ABCB5: variants seen among roughly 807,000 people sequenced by gnomAD.
ABCB5 encodes the protein ATP-binding cassette sub-family B member 5.
In ABCB5, 155 loss-of-function variants were observed where a neutral mutation model predicts 144.2. The observed-to-expected ratio is 1.08, with a 90% CI of 0.94 to 1.23. The LOEUF (loss-of-function observed/expected upper bound fraction) is 1.23, where lower values mean the gene tolerates loss of function less well. ABCB5 is among the 50% of genes most tolerant of loss of function. The pLI is 0.00. For missense variants in ABCB5, 1,830 were observed against 1,520.8 expected (o/e 1.20, Z -3.38); for synonymous variants, 610 against 528.6 (o/e 1.15, Z -2.11).
chr7:20,641,055 GCCTAGACCC>G (rs1253363297), intron 5 of ABCB5, among the ~76,000 whole-genome samples: 1 of 151,988 alleles, frequency 6.6e-6, no homozygotes, highest in Non-Finnish European at 1.5e-5. Context: ...CACATCCCCA[GCCTAGACCC>G]CCTCTCTCGT....
At chr7:20,691,515 T>G (rs1362900758) in intron 16 of ABCB5, among the ~76,000 whole-genome samples, 3 of 151,934 alleles carry the variant, frequency 2.0e-5, no homozygotes, top group African/African-American at 7.2e-5. Context: ...GAGCAATTCT[T>G]AGAAGTCACA....
intron 13 of ABCB5, among the ~76,000 whole-genome samples, chr7:20,656,215 G>C (rs965344719): frequency 6.6e-6 from 1 of 152,114 alleles, no homozygotes; most frequent in Non-Finnish European, 1.5e-5. Context: ...TTGTAACTTT[G>C]AGAGAGGCAA....
At chr7:20,705,118 G>A (rs1265372574) in intron 20 of ABCB5, among the ~76,000 whole-genome samples, 2 of 152,304 alleles carry the variant, frequency 1.3e-5, no homozygotes, top group East Asian at 1.9e-4. Flanking sequence ...GAAAAGTAAC[G>A]AAATGAAAAC....
chr7:20,704,675 T>C (rs1562570231), intron 19 of ABCB5, 49 bp from the exon 20 acceptor site: 2 of 1,492,006 alleles, frequency 1.3e-6, no homozygotes, highest in Non-Finnish European at 1.9e-6. Context: ...ACAAGTCAGA[T>C]AAAAAAAATG....
chr7:20,668,613 C>G (rs1785317200), intron 14 of ABCB5, among the ~76,000 whole-genome samples: 1 of 148,894 alleles, frequency 6.7e-6, no homozygotes, highest in Non-Finnish European at 1.5e-5. Context: ...CAGCCCCCCG[C>G]CCGGCCAGCC....
intron 13 of ABCB5, among the ~76,000 whole-genome samples, chr7:20,653,224 G>A (rs1784661551): frequency 6.6e-6 from 1 of 152,106 alleles, no homozygotes; most frequent in Admixed American, 6.6e-5. Flanking sequence ...ACACAAAGAT[G>A]TCCCTTGCTA....
intron 4 of ABCB5, among the ~76,000 whole-genome samples, chr7:20,629,853 T>G (rs571714221): frequency 1.7e-4 from 26 of 152,266 alleles, no homozygotes; most frequent in African/African-American, 5.3e-4. Flanking sequence ...CTTAGGTTTT[T>G]GGGGGTTTTT....
intron 16 of ABCB5, among the ~76,000 whole-genome samples, chr7:20,692,323 T>C (rs1488586383): frequency 6.6e-6 from 1 of 151,836 alleles, no homozygotes; most frequent in Non-Finnish European, 1.5e-5. Context: ...AAGAAGATAA[T>C]GGAGCAATAT....
intron 20 of ABCB5, among the ~76,000 whole-genome samples, chr7:20,711,441 A>G (rs1300858087): frequency 7.0e-6 from 1 of 142,972 alleles, no homozygotes; most frequent in East Asian, 2.2e-4. Flanking sequence ...TGAGGTTGAC[A>G]GTTTTTTCTT....
chr7:20,753,365 C>A lies in ABCB5; in HGVS notation c.3435C>A (p.Tyr1145Ter), dbSNP rs1375473920. The A allele has an allele frequency of 6.2e-7, 1 of 1,611,336 alleles. No individual in the cohort carries two copies. Among genetic ancestry groups the A allele is most frequent in the East Asian group, 2.2e-5 (1 of 44,788 alleles). The change falls in exon 27 of 28, where the codon TAC becomes TAA. Residue 1145 changes from tyrosine to a stop codon, truncating the protein, a stop_gained. Coordinates refer to ENST00000404938, the MANE Select transcript of ABCB5 (RefSeq NM_001163941.2). LOFTEE classifies it high-confidence loss of function. ...ATTGCATGCTCCTGTGATAGAAATA[C>A]AACACACAAGTTGGACTGAAAGGAG... ...HSFIEGLPEKYNTQVGLKGAQ... is the reference protein window; with the variant it reads ...HSFIEGLPEK
chr7:20,682,538 A>T (rs956867319), intron 15 of ABCB5, among the ~76,000 whole-genome samples: 1 of 152,168 alleles, frequency 6.6e-6, no homozygotes, highest in East Asian at 1.9e-4. Context: ...CGACTGAAAC[A>T]AAAAGGAGGT....
At chr7:20,672,856 C>G (rs748942384) in intron 14 of ABCB5, among the ~76,000 whole-genome samples, 82 of 152,196 alleles carry the variant, frequency 5.4e-4, no homozygotes, top group African/African-American at 1.9e-3. Context: ...GAGTTGTTTT[C>G]CAGACTGTTG....
intron 23 of ABCB5, among the ~76,000 whole-genome samples, chr7:20,735,644 A>T (rs1782358210): frequency 6.6e-6 from 1 of 152,226 alleles, no homozygotes; most frequent in Admixed American, 6.5e-5. Context: ...AAAGAAGAGA[A>T]ATCAAAGGAC....
rs893247576 is a variant in ABCB5, at chr7:20,720,869, G to A, written c.2422-2147G>A. 4.2e-4 allele frequency among the ~76,000 whole-genome samples: 63 copies of A among 149,966 alleles called. 1 individual carries two copies. The highest frequency in any genetic ancestry group is 3.8e-3 in the Admixed American group (57 of 14,992). ...TGAGGCAGGAGAATGGCGTGAACCC[G>A]GGAGGCGGAGCTTGCAGTGAGTCGA... On this transcript the variant is annotated intron_variant, in intron 20 of 27. Coordinates refer to ENST00000404938, the MANE Select transcript of ABCB5 (RefSeq NM_001163941.2).
chr7:20,745,912 GA>G lies in ABCB5; in HGVS notation c.3429+476del, dbSNP rs141836410. 1.5e-3 allele frequency among the ~76,000 whole-genome samples: 231 copies of G among 152,352 alleles called. 1 individual carries two copies. The highest frequency in any genetic ancestry group is 5.4e-3 in the African/African-American group (224 of 41,596). On this transcript the variant is annotated intron_variant, in intron 26 of 27. Transcript: ENST00000404938. ...ACACACCCCATGGGGAGGGGCTGCT[GA>G]AGCCTCTGTAATCTGGCCCTGCTGT...
At position 20,727,035 on chromosome 7, in the gene ABCB5, A is replaced by T; in HGVS notation, c.2626-5A>T. On this transcript the variant is annotated splice_region_variant and splice_polypyrimidine_tract_variant and intron_variant, in intron 21 of 27. Coordinates refer to ENST00000404938, the MANE Select transcript of ABCB5 (RefSeq NM_001163941.2). ...TTTCTATATTGTATTGTCCTGTTTTATAAGATAGCAACTGAAGCTTTGGAG... is the reference window on the plus strand; with the variant it reads ...TTTCTATATTGTATTGTCCTGTTTTTTAAGATAGCAACTGAAGCTTTGGAG... 1 of 1,601,476 alleles carries T rather than the reference A, an allele frequency of 6.2e-7. No individual in the cohort carries two copies. Among genetic ancestry groups the T allele is most frequent in the Non-Finnish European group, 8.5e-7 (1 of 1,172,148 alleles).
At chr7:20,670,245 A>T (rs895235971) in intron 14 of ABCB5, among the ~76,000 whole-genome samples, 15 of 152,190 alleles carry the variant, frequency 9.9e-5, no homozygotes, top group African/African-American at 2.9e-4. Flanking sequence ...GAGTTTAGAT[A>T]ATGATGTGTC....
At chr7:20,667,291 GTAAA>G in intron 14 of ABCB5, 1 of 984,634 alleles carries the variant, frequency 1.0e-6, no homozygotes, top group Non-Finnish European at 1.2e-6. Flanking sequence ...TGCTTGATAA[GTAAA>G]TAAATATGAG....
chr7:20,674,199 C>G (rs1785535752), intron 14 of ABCB5, among the ~76,000 whole-genome samples: 1 of 151,820 alleles, frequency 6.6e-6, no homozygotes, highest in East Asian at 1.9e-4. Flanking sequence ...ACATTTTTCT[C>G]CATGCACTAC....
Sources: gnomAD v4.1 joint callset for allele counts (sites outside exome capture counted in the v4.1 genomes callset) on GRCh38, gnomAD v4.1.1 for gene constraint, MANE v1.5 for transcripts, NCBI Gene and HGNC (gene_info 2026-07-23, HGNC 2026-07-21) for gene names.